Variants in RASA1 observed in about 807,000 individuals in gnomAD.
The protein encoded by RASA1 is RAS p21 protein activator 1.
A neutral mutation model predicts 132.2 loss-of-function variants in RASA1; 25 were observed. The observed-to-expected ratio is 0.19, with a 90% confidence interval of 0.14 to 0.26. The LOEUF (loss-of-function observed/expected upper bound fraction) is 0.26, where lower values mean the gene tolerates loss of function less well. RASA1 is among the 10% of genes least tolerant of loss of function. The pLI is 1.00. For missense variants in RASA1, 964 were observed against 1,299.2 expected, an observed-to-expected ratio of 0.74 and a Z score of 3.97; for synonymous variants, 477 against 449.9, an observed-to-expected ratio of 1.06 and a Z score of -0.76.
At position 87,390,895 on chromosome 5, in the gene RASA1, C is replaced by T; in HGVS notation, c.*12C>T. On this transcript the variant is annotated 3_prime_UTR_variant, in exon 25 of 25. Transcript: ENST00000274376. ...ATGATGTCAGGTAGCAGCCTTCGCC[C>T]CAGTGTTCTGCATGGATTCAGCATG... 1 of 1,598,568 alleles carries T rather than the reference C, an allele frequency of 6.3e-7. No homozygotes were observed.
intron 1 of RASA1, chr5:87,318,629 G>C (rs1219842575): frequency 4.6e-5 from 7 of 152,188 alleles, no homozygotes; most frequent in Admixed American, 4.6e-4. Flanking sequence ...CACGAGAGCA[G>C]CAAGGGGAAA....
intron 12 of RASA1, among the ~76,000 whole-genome samples, chr5:87,370,669 T>A (rs1467075000): frequency 6.6e-6 from 1 of 152,080 alleles, no homozygotes; most frequent in East Asian, 1.9e-4. Flanking sequence ...CTTAAAAAAT[T>A]TTTTTGCTTT....
At chr5:87,370,892 A>G (rs1760885748) in intron 12 of RASA1, among the ~76,000 whole-genome samples, 1 of 152,152 alleles carries the variant, frequency 6.6e-6, no homozygotes, top group Non-Finnish European at 1.5e-5. Flanking sequence ...TGAGCTTACA[A>G]CTGAACGTCA....
chr5:87,268,561 A>C lies in RASA1; in HGVS notation c.110A>C (p.Lys37Thr). Residue 37 changes from lysine (K) to threonine (T), a missense_variant, in exon 1 of 25, where the codon AAG becomes ACG. Lys to Thr is a moderately conservative substitution (Grantham distance 78, BLOSUM62 -1). This residue lies in a region of RASA1 where 326 missense variants were observed against 275.8 expected (regional missense o/e 1.18). Transcript: ENST00000274376. ...GCCTATCCCGCAGTGTGTCGGGTGA[A>C]GATACCCGCGGCCCTGCCTGTGGCA... ...SSAYPAVCRV[K>T]IPAALPVAAA... 3.1e-6 allele frequency: 5 copies of C among 1,605,876 alleles called. No homozygotes were observed. The South Asian group carries it at 5.6e-5, about 18-fold the overall frequency.
intron 1 of RASA1, chr5:87,269,369 C>T: frequency 6.8e-7 from 1 of 1,467,042 alleles, no homozygotes; most frequent in Non-Finnish European, 9.2e-7. Context: ...CTTGATAAAG[C>T]TAGATGATTA....
In RASA1 at chr5:87,374,207, A is replaced by G; in HGVS notation, c.1821A>G (p.Pro607=). 1 of 1,585,556 alleles carries G rather than the reference A, an allele frequency of 6.3e-7. No homozygotes were observed. The change falls in exon 14 of 25, where the codon CCA becomes CCG. Residue 607 remains proline, a synonymous_variant. Transcript: ENST00000274376. The part of the protein sequence containing the change: ...VLHIEEAHKL[P]VKHFTNPYCN... ...ATATTGAAGAAGCCCATAAACTCCC[A>G]GTAAAACATTTTACTAATCCATATT...
intron 1 of RASA1, among the ~76,000 whole-genome samples, chr5:87,271,768 G>A (rs1035692959): frequency 6.6e-6 from 1 of 151,748 alleles, no homozygotes; most frequent in Admixed American, 6.6e-5. Flanking sequence ...GAGCCACCGC[G>A]CCTGGCCCAA....
intron 1 of RASA1, among the ~76,000 whole-genome samples, chr5:87,320,428 A>G (rs1412076484): frequency 6.6e-6 from 1 of 152,234 alleles, no homozygotes. Context: ...GAAAAGGTTT[A>G]ATTGACTCAC....
intron 6 of RASA1, among the ~76,000 whole-genome samples, chr5:87,342,311 A>G (rs1758532165): frequency 6.6e-6 from 1 of 151,764 alleles, no homozygotes; most frequent in Non-Finnish European, 1.5e-5. Flanking sequence ...GGCGCACAAC[A>G]CCATGCTAGG....
intron 20 of RASA1, among the ~76,000 whole-genome samples, chr5:87,381,599 G>A (rs1415255205): frequency 6.6e-6 from 1 of 152,098 alleles, no homozygotes; most frequent in African/African-American, 2.4e-5. Context: ...TGGGGGGCAG[G>A]TAATATTTCT....
At position 87,386,874 on chromosome 5, in the gene RASA1, C is replaced by A; in HGVS notation, c.2896C>A (p.Arg966Ser). 6.2e-7 allele frequency: 1 copy of A among 1,612,548 alleles called. No individual in the cohort carries two copies. Among genetic ancestry groups the A allele is most frequent in the Non-Finnish European group, 8.5e-7 (1 of 1,179,196 alleles). ...TCCATTCATCAAAAGCAACAAACAT[C>A]GTATGATCATGTTTTTAGATGAACT... ...VNPFIKSNKH[R>S]MIMFLDELGN... The change falls in exon 23 of 25, where the codon CGT (arginine) becomes AGT (serine). Residue 966 changes from arginine (R) to serine (S), a missense_variant. Coordinates refer to ENST00000274376, the MANE Select transcript of RASA1 (RefSeq NM_002890.3).
At chr5:87,304,939 CTTTT>C (rs756572506) in intron 1 of RASA1, among the ~76,000 whole-genome samples, 123 of 64,400 alleles carry the variant, frequency 1.9e-3, no homozygotes, top group Non-Finnish European at 3.0e-3. Context: ...TCTTTTAGTC[CTTTT>C]TTTTTTTTTT....
intron 19 of RASA1, 138 bp downstream of exon 19, chr5:87,379,988 G>A (rs919097348): frequency 3.2e-6 from 3 of 925,596 alleles, no homozygotes; most frequent in Non-Finnish European, 4.9e-6. Flanking sequence ...TTTATGAGAT[G>A]AATTGTATTT....
At chr5:87,325,085 C>T (rs1476057177) in intron 1 of RASA1, among the ~76,000 whole-genome samples, 1 of 151,982 alleles carries the variant, frequency 6.6e-6, no homozygotes, top group Non-Finnish European at 1.5e-5. Flanking sequence ...GCTGGGGAGG[C>T]CTCAGGAAAC....
At chr5:87,271,067 C>T (rs974475945) in intron 1 of RASA1, among the ~76,000 whole-genome samples, 5 of 151,956 alleles carry the variant, frequency 3.3e-5, no homozygotes, top group African/African-American at 1.2e-4. Flanking sequence ...GGAGAAACCC[C>T]GTCTCTACTA....
intron 5 of RASA1, among the ~76,000 whole-genome samples, chr5:87,338,778 TA>T (rs896882286): frequency 2.0e-5 from 3 of 151,610 alleles, no homozygotes; most frequent in Admixed American, 6.6e-5. Context: ...TGTTTGGTTT[TA>T]GATTCTTTAT....
At chr5:87,374,531 G>GTTA (rs958148689) in intron 14 of RASA1, among the ~76,000 whole-genome samples, 1 of 139,896 alleles carries the variant, frequency 7.1e-6, no homozygotes, top group African/African-American at 2.7e-5. Flanking sequence ...TTTCCACTTA[G>GTTA]TTATTAACAT....
At position 87,390,958 on chromosome 5, in the gene RASA1, T is replaced by C; in HGVS notation, c.*75T>C. ...ATTCACTTCAGTTTAATGTCTCCTT[T>C]GCTCTTGCCAAAAAATAGCACACTT... On this transcript the variant is annotated 3_prime_UTR_variant, in exon 25 of 25. Coordinates refer to ENST00000274376, the MANE Select transcript of RASA1 (RefSeq NM_002890.3). The C allele has an allele frequency of 6.3e-6, 9 of 1,426,400 alleles. No individual in the cohort carries two copies. The highest frequency in any genetic ancestry group is 8.9e-6 in the Non-Finnish European group (9 of 1,011,896). 88.4% of individuals were successfully genotyped at this position (1,426,400 alleles called of 1,614,324 possible). A position where few individuals can be genotyped will look rare whatever the true frequency, so the allele number is the denominator to read the frequency against.
At chr5:87,359,266 G>C (rs1759889997) in intron 9 of RASA1, among the ~76,000 whole-genome samples, 1 of 152,150 alleles carries the variant, frequency 6.6e-6, no homozygotes, top group Non-Finnish European at 1.5e-5. Context: ...GAAGAGCTTG[G>C]TTCAATGGCT....
Sources: gnomAD v4.1 joint callset for allele counts (sites outside exome capture counted in the v4.1 genomes callset) on GRCh38, gnomAD v4.1.1 for gene constraint, gnomAD v4.1.1 regional missense constraint, MANE v1.5 for transcripts, NCBI Gene and HGNC (gene_info 2026-07-23, HGNC 2026-07-21) for gene names.